The following B3GALT1 variants were observed in gnomAD, a reference collection of about 807,000 sequenced individuals.
B3GALT1 encodes UDP-Gal:betaGlcNAc beta 1,3-galactosyltransferase, polypeptide 1.
In B3GALT1, 10 loss-of-function variants were observed where a neutral mutation model predicts 23.2. The observed-to-expected ratio is 0.43, with a 90% CI of 0.27 to 0.73. B3GALT1 has a LOEUF of 0.73. Ranked by LOEUF, B3GALT1 falls within the 30% of genes least tolerant of loss-of-function variation. The pLI, the probability that B3GALT1 is intolerant of heterozygous loss-of-function variation, is 0.21. For missense variants in B3GALT1, 299 were observed against 405.4 expected (o/e 0.74, Z 2.25); for synonymous variants, 156 against 141.5 (o/e 1.10, Z -0.73).
At chr2:167,470,482 G>T (rs1699407266) in intron 1 of B3GALT1, among the ~76,000 whole-genome samples, 1 of 151,870 alleles carries the variant, frequency 6.6e-6, no homozygotes, top group South Asian at 2.1e-4. Flanking sequence ...GTAAAGAATT[G>T]GATTTTAAAT....
At chr2:167,449,759 T>C (rs1277205350) in intron 1 of B3GALT1, among the ~76,000 whole-genome samples, 1 of 152,190 alleles carries the variant, frequency 6.6e-6, no homozygotes, top group African/African-American at 2.4e-5. Context: ...TACATTGAGG[T>C]ATGTCCCTTC....
intron 1 of B3GALT1, among the ~76,000 whole-genome samples, chr2:167,400,341 C>T (rs1251054682): frequency 6.6e-6 from 1 of 151,926 alleles, no homozygotes; most frequent in Non-Finnish European, 1.5e-5. Context: ...CTTTTATTTC[C>T]TCTGTCTTCC....
chr2:167,450,534 T>A (rs1188078538), intron 1 of B3GALT1, among the ~76,000 whole-genome samples: 7 of 152,218 alleles, frequency 4.6e-5, no homozygotes, highest in Admixed American at 4.6e-4. Context: ...CAATCCCTTA[T>A]AGCTTGTAGT....
At chr2:167,362,742 G>A (rs954024163) in intron 1 of B3GALT1, among the ~76,000 whole-genome samples, 1 of 152,030 alleles carries the variant, frequency 6.6e-6, no homozygotes, top group African/African-American at 2.4e-5. Context: ...ATGGTGCTCT[G>A]AGTAAAACGC....
At chr2:167,655,445 G>A (rs1685940940) in intron 3 of B3GALT1, among the ~76,000 whole-genome samples, 1 of 152,056 alleles carries the variant, frequency 6.6e-6, no homozygotes, top group African/African-American at 2.4e-5. Context: ...ATTTTATCAT[G>A]CAAATTTCAA....
At chr2:167,600,327 C>A (rs1159652804) in intron 2 of B3GALT1, among the ~76,000 whole-genome samples, 4 of 152,120 alleles carry the variant, frequency 2.6e-5, no homozygotes, top group African/African-American at 9.7e-5. Flanking sequence ...GATTTTGTAG[C>A]CTTTTCCAAT....
intron 1 of B3GALT1, among the ~76,000 whole-genome samples, chr2:167,361,559 C>T (rs557295398): frequency 1.3e-5 from 2 of 152,124 alleles, no homozygotes; most frequent in African/African-American, 4.8e-5. Context: ...TCCATATGCA[C>T]AGCAGATTGT....
intron 3 of B3GALT1, among the ~76,000 whole-genome samples, chr2:167,705,528 T>C (rs1482325755): frequency 1.3e-5 from 2 of 152,264 alleles, no homozygotes; most frequent in Middle Eastern, 3.4e-3. Flanking sequence ...AACAAGATAA[T>C]TGGCATAGCT....
At chr2:167,517,867 G>A (rs75819472) in intron 2 of B3GALT1, among the ~76,000 whole-genome samples, 6 of 152,032 alleles carry the variant, frequency 3.9e-5, no homozygotes, top group South Asian at 4.1e-4. Context: ...CCAAACAATC[G>A]TAGGATAAAA....
rs12624043 is a variant in B3GALT1, at chr2:167,328,414, T to A, written c.-511+35080T>A. On this transcript the variant is annotated intron_variant, in intron 1 of 4. Coordinates refer to ENST00000392690, the MANE Select transcript of B3GALT1 (RefSeq NM_020981.4). ...ATCTCACTACTCATTTTTTGTCTATTCAGGTTTTCTTCCTGATTTAATTTT... is the reference window on the plus strand; with the variant it reads ...ATCTCACTACTCATTTTTTGTCTATACAGGTTTTCTTCCTGATTTAATTTT... Among the ~76,000 whole-genome samples the A allele has an allele frequency of 7.4e-4, 112 of 152,312 alleles. 2 individuals carry two copies. The East Asian group carries it at 0.021, about 28-fold the overall frequency.
At chr2:167,559,648 C>T (rs959643364) in intron 2 of B3GALT1, among the ~76,000 whole-genome samples, 10 of 151,994 alleles carry the variant, frequency 6.6e-5, no homozygotes, top group Non-Finnish European at 1.2e-4. Context: ...TCGAGAACTA[C>T]GTGAAGAATG....
At chr2:167,582,945 C>A (rs1684514507) in intron 2 of B3GALT1, among the ~76,000 whole-genome samples, 1 of 152,208 alleles carries the variant, frequency 6.6e-6, no homozygotes, top group African/African-American at 2.4e-5. Context: ...CATATTGGCA[C>A]TGAAAGAGCC....
chr2:167,711,479 A>G (rs1455429244), intron 3 of B3GALT1, among the ~76,000 whole-genome samples: 1 of 152,226 alleles, frequency 6.6e-6, no homozygotes, highest in East Asian at 1.9e-4. Context: ...GAGTCACTGA[A>G]GGAACTACTG....
chr2:167,642,659 T>A (rs2105456662), intron 2 of B3GALT1, among the ~76,000 whole-genome samples: 1 of 152,266 alleles, frequency 6.6e-6, no homozygotes, highest in Non-Finnish European at 1.5e-5. Context: ...CTATACTCAC[T>A]CAGGAGAGGA....
At chr2:167,607,009 G>A (rs1684973427) in intron 2 of B3GALT1, among the ~76,000 whole-genome samples, 1 of 152,150 alleles carries the variant, frequency 6.6e-6, no homozygotes, top group Non-Finnish European at 1.5e-5. Flanking sequence ...AAAAGATCCT[G>A]CAGGTTATGA....
At chr2:167,459,001 C>T (rs1031837300) in intron 1 of B3GALT1, among the ~76,000 whole-genome samples, 4 of 152,014 alleles carry the variant, frequency 2.6e-5, no homozygotes, top group Non-Finnish European at 5.9e-5. Context: ...TCTATTTGTG[C>T]CTTTGGATAT....
chr2:167,364,735 C>T (rs942451921), intron 1 of B3GALT1, among the ~76,000 whole-genome samples: 6 of 152,148 alleles, frequency 3.9e-5, no homozygotes, highest in Non-Finnish European at 7.3e-5. Context: ...TATATATACA[C>T]ATACACCCAG....
intron 1 of B3GALT1, among the ~76,000 whole-genome samples, chr2:167,457,066 A>G (rs560595126): frequency 6.6e-6 from 1 of 152,256 alleles, no homozygotes; most frequent in South Asian, 2.1e-4. Flanking sequence ...AAAAGACACT[A>G]TTATCACACC....
chr2:167,527,754 C>T lies in B3GALT1; in HGVS notation c.-410+37477C>T, dbSNP rs1046155918. On this transcript the variant is annotated intron_variant, in intron 2 of 4. Transcript: ENST00000392690. ...TCCCTCTAAACCTTGTGCTTTTCCT[C>T]TCTAAAAGTTGAAGAAATAGAGGTA... is the stretch of plus-strand genomic sequence containing the variant. Among the ~76,000 whole-genome samples the T allele has an allele frequency of 9.9e-5, 15 of 152,232 alleles. No individual in the cohort carries two copies. In the East Asian group the frequency reaches 2.9e-3, roughly 29 times the overall value.
Sources: allele counts gnomAD v4.1 joint callset (sites outside exome capture counted in the v4.1 genomes callset), GRCh38; gene constraint gnomAD v4.1.1; transcripts MANE v1.5; gene names NCBI Gene and HGNC (gene_info 2026-07-23, HGNC 2026-07-21).